RANBP17: variants seen among roughly 807,000 people sequenced by gnomAD.
The protein encoded by RANBP17 is ran-binding protein 17.
RANBP17 carries 158 observed loss-of-function variants against 141.2 expected under a neutral mutation model. That is an observed-to-expected ratio of 1.12 (90% confidence interval 0.98 to 1.28). The LOEUF (loss-of-function observed/expected upper bound fraction) is 1.28. Among genes scored for constraint, RANBP17 ranks in the 50% most tolerant of loss-of-function variants. RANBP17 has a pLI of 0.00. For synonymous variants in RANBP17, 430 were observed against 450.0 expected, an observed-to-expected ratio of 0.96 and a Z score of 0.56; for missense variants, 1,438 against 1,290.7, an observed-to-expected ratio of 1.11 and a Z score of -1.75.
At chr5:171,117,610 C>T (rs140630225) in intron 14 of RANBP17, among the ~76,000 whole-genome samples, 1 of 152,244 alleles carries the variant, frequency 6.6e-6, no homozygotes, top group East Asian at 1.9e-4. Flanking sequence ...TCTCTTGCCT[C>T]AGCCTCCCGA....
chr5:171,198,982 G>T (rs1297219816), intron 18 of RANBP17, among the ~76,000 whole-genome samples: 1 of 152,028 alleles, frequency 6.6e-6, no homozygotes, highest in East Asian at 1.9e-4. Flanking sequence ...GTGAAGTGAA[G>T]ATTCTGCTTT....
intron 14 of RANBP17, among the ~76,000 whole-genome samples, chr5:170,994,467 C>G (rs183543168): frequency 6.6e-6 from 1 of 151,898 alleles, no homozygotes; most frequent in Non-Finnish European, 1.5e-5. Flanking sequence ...CTGGATCATA[C>G]GTGAAAAGGT....
intron 24 of RANBP17, among the ~76,000 whole-genome samples, chr5:171,263,438 A>G (rs959105792): frequency 1.3e-5 from 2 of 152,250 alleles, no homozygotes; most frequent in African/African-American, 4.8e-5. Flanking sequence ...TTTCTCATTT[A>G]AAATGCAAAT....
intron 25 of RANBP17, among the ~76,000 whole-genome samples, chr5:171,288,309 G>C (rs1329958897): frequency 6.6e-6 from 1 of 152,174 alleles, no homozygotes; most frequent in Non-Finnish European, 1.5e-5. Context: ...AGGCGCCAAG[G>C]GTGTCTGAAT....
chr5:170,955,927 T>C, intron 13 of RANBP17, among the ~76,000 whole-genome samples: 1 of 150,756 alleles, frequency 6.6e-6, no homozygotes, highest in East Asian at 1.9e-4. Flanking sequence ...GCTTTAAATA[T>C]TATGTATTCA....
At chr5:171,027,342 G>C (rs1444789389) in intron 14 of RANBP17, among the ~76,000 whole-genome samples, 2 of 152,172 alleles carry the variant, frequency 1.3e-5, no homozygotes, top group Non-Finnish European at 2.9e-5. Context: ...AGCATTGGCA[G>C]ATTCATTTTT....
At chr5:171,286,350 A>G (rs948897629) in intron 25 of RANBP17, among the ~76,000 whole-genome samples, 2 of 152,208 alleles carry the variant, frequency 1.3e-5, no homozygotes, top group Non-Finnish European at 2.9e-5. Context: ...AGAGCAGGTC[A>G]TCTGTAATTG....
chr5:171,210,309 C>T (rs188039530), intron 20 of RANBP17, among the ~76,000 whole-genome samples: 2 of 152,256 alleles, frequency 1.3e-5, no homozygotes, highest in African/African-American at 2.4e-5. Context: ...TTCCAATAAT[C>T]CCTCATTTTC....
chr5:171,078,468 T>A (rs1423792342), intron 14 of RANBP17, among the ~76,000 whole-genome samples: 1 of 152,160 alleles, frequency 6.6e-6, no homozygotes, highest in African/African-American at 2.4e-5. Context: ...AAACAACAGA[T>A]TTTCAATGTA....
At chr5:171,238,100 T>C (rs967431612) in intron 22 of RANBP17, among the ~76,000 whole-genome samples, 2 of 152,198 alleles carry the variant, frequency 1.3e-5, no homozygotes, top group Middle Eastern at 3.2e-3. Context: ...AATGAGGTAG[T>C]TTCCTATTTC....
intron 14 of RANBP17, among the ~76,000 whole-genome samples, chr5:170,997,953 A>C (rs1269846846): frequency 2.6e-5 from 4 of 152,058 alleles, no homozygotes; most frequent in African/African-American, 9.7e-5. Context: ...ATTAATTTTA[A>C]AAATGCCCTT....
At chr5:171,089,132 T>C (rs1206091761) in intron 14 of RANBP17, among the ~76,000 whole-genome samples, 14 of 151,342 alleles carry the variant, frequency 9.3e-5, no homozygotes, top group African/African-American at 1.7e-4. Context: ...GATGTACAGA[T>C]GGGTTTTCGG....
chr5:171,089,738 C>A (rs1786072202), intron 14 of RANBP17, among the ~76,000 whole-genome samples: 1 of 152,204 alleles, frequency 6.6e-6, no homozygotes, highest in African/African-American at 2.4e-5. Context: ...GCGTTCGTCA[C>A]CCCTTTCTTT....
At chr5:171,255,489 T>G (rs1035023427) in intron 24 of RANBP17, among the ~76,000 whole-genome samples, 2 of 152,150 alleles carry the variant, frequency 1.3e-5, no homozygotes, top group South Asian at 2.1e-4. Flanking sequence ...CAAGTTCTAG[T>G]ATATGTATTG....
intron 12 of RANBP17, among the ~76,000 whole-genome samples, chr5:170,936,356 G>A (rs537716102): frequency 2.1e-4 from 32 of 152,222 alleles, no homozygotes; most frequent in South Asian, 1.5e-3. Context: ...TGTCTTCTGC[G>A]TCAGTCTCTC....
chr5:170,932,594 G>A (rs982132821), intron 12 of RANBP17, among the ~76,000 whole-genome samples: 6 of 152,038 alleles, frequency 3.9e-5, no homozygotes, highest in African/African-American at 7.3e-5. Context: ...TCAATACCTA[G>A]TTTATTGAGA....
intron 19 of RANBP17, 79 bp from the exon 20 acceptor site, chr5:171,205,445 G>A: frequency 8.9e-7 from 1 of 1,127,950 alleles, no homozygotes; most frequent in Non-Finnish European, 1.3e-6. Context: ...CAGATATGTG[G>A]TCATTATTGC....
intron 5 of RANBP17, among the ~76,000 whole-genome samples, chr5:170,905,862 C>T (rs1421517699): frequency 6.6e-6 from 1 of 151,954 alleles, no homozygotes; most frequent in East Asian, 1.9e-4. Flanking sequence ...AATAGTCTGC[C>T]CTGGAAATGA....
chr5:171,133,244 TG>T (rs1254254808), intron 14 of RANBP17, among the ~76,000 whole-genome samples: 1 of 152,188 alleles, frequency 6.6e-6, no homozygotes, highest in African/African-American at 2.4e-5. Flanking sequence ...TTATGTTTTT[TG>T]AAAAATAATA....
Sources: gnomAD v4.1 joint callset for allele counts (sites outside exome capture counted in the v4.1 genomes callset) on GRCh38, gnomAD v4.1.1 for gene constraint, MANE v1.5 for transcripts, NCBI Gene and HGNC (gene_info 2026-07-23, HGNC 2026-07-21) for gene names.